The following STON1 variants were observed in gnomAD, a reference collection of about 807,000 sequenced individuals.
The protein encoded by STON1 is stonin-1.
Under a neutral mutation model 60.9 loss-of-function variants are expected in STON1, and 79 were observed. The observed-to-expected ratio is 1.30, with a 90% CI of 1.08 to 1.56. The LOEUF (loss-of-function observed/expected upper bound fraction) is 1.56, where lower values mean the gene tolerates loss of function less well. STON1 is among the 40% of genes most tolerant of loss of function. STON1 has a pLI of 0.00. For missense variants in STON1, 1,166 were observed against 858.9 expected, an observed-to-expected ratio of 1.36 and a Z score of -4.47; for synonymous variants, 363 against 306.9, an observed-to-expected ratio of 1.18 and a Z score of -1.91.
At chr2:48,563,454 G>A (rs1355697180) in intron 1 of STON1, among the ~76,000 whole-genome samples, 1 of 152,234 alleles carries the variant, frequency 6.6e-6, no homozygotes, top group Non-Finnish European at 1.5e-5. Context: ...AAAAGAATCT[G>A]TGGCTCTTAC....
At chr2:48,590,392 T>C (rs560027027) in intron 2 of STON1, among the ~76,000 whole-genome samples, 66 of 152,210 alleles carry the variant, frequency 4.3e-4, no homozygotes, top group Non-Finnish European at 8.4e-4. Context: ...AAGAATTAAG[T>C]GAAATCCTTT....
intron 1 of STON1, among the ~76,000 whole-genome samples, chr2:48,561,388 G>A (rs1019352518): frequency 1.3e-5 from 2 of 152,160 alleles, no homozygotes; most frequent in Non-Finnish European, 2.9e-5. Context: ...TCGGAAGTCA[G>A]TATACTATAG....
At chr2:48,583,174 C>T (rs1673999050) in intron 2 of STON1, among the ~76,000 whole-genome samples, 1 of 152,222 alleles carries the variant, frequency 6.6e-6, no homozygotes, top group African/African-American at 2.4e-5. Context: ...CTGCAGCCTC[C>T]ACTTCCCAGG....
At position 48,598,049 on chromosome 2, in the gene STON1, C is replaced by G. The variant is rs568803239; in HGVS notation, c.*2747C>G. The G allele has an allele frequency of 7.2e-5, 11 of 152,266 alleles. No homozygotes were observed. The South Asian group carries it at 1.7e-3, about 23-fold the overall frequency. 9.4% of individuals were successfully genotyped at this position (152,266 alleles called of 1,614,324 possible). On this transcript the variant is annotated 3_prime_UTR_variant, in exon 4 of 4. Transcript: ENST00000404752. ...TTTTGGAGTCAAATGAGCAGACTTC[C>G]AAGGAGTTGACCAGTTTGTGACTAG...
At chr2:48,553,067 C>CT (rs1187638215) in intron 1 of STON1, among the ~76,000 whole-genome samples, 7 of 152,096 alleles carry the variant, frequency 4.6e-5, no homozygotes, top group Admixed American at 4.6e-4. Flanking sequence ...ATCTCAGACT[C>CT]TGACAAGTCA....
intron 1 of STON1, among the ~76,000 whole-genome samples, chr2:48,553,389 C>T (rs1672182052): frequency 1.3e-5 from 2 of 151,182 alleles, no homozygotes; most frequent in African/African-American, 4.9e-5. Context: ...CCCTTCCCTT[C>T]CCATCCCGTC....
chr2:48,576,196 T>C (rs1172764916), intron 1 of STON1, among the ~76,000 whole-genome samples: 1 of 125,194 alleles, frequency 8.0e-6, no homozygotes, highest in Non-Finnish European at 1.7e-5. Flanking sequence ...TTTTTTTTTT[T>C]TTTTTTTTTT....
At chr2:48,563,925 C>T (rs1273627649) in intron 1 of STON1, among the ~76,000 whole-genome samples, 1 of 151,194 alleles carries the variant, frequency 6.6e-6, no homozygotes, top group Non-Finnish European at 1.5e-5. Flanking sequence ...GTCTTGAACT[C>T]CTGACTCAAG....
Position 48,597,332 on chromosome 2 carries a change from G to T in STON1, c.*2030G>T, listed in dbSNP as rs895552323. ...TGACTTCAGTCTGCTCAGAACGAAT[G>T]TGGAGGCCGGCCGAAACTGATGCTG... is the stretch of plus-strand genomic sequence containing the variant. On this transcript the variant is annotated 3_prime_UTR_variant, in exon 4 of 4. Coordinates refer to ENST00000404752, the MANE Select transcript of STON1 (RefSeq NM_006873.4). 6.6e-6 allele frequency: 1 copy of T among 152,170 alleles called. No individual in the cohort carries two copies. Among genetic ancestry groups the T allele is most frequent in the African/African-American group, 2.4e-5 (1 of 41,428 alleles). The allele number at this position is 152,170 out of a possible 1,614,324, so 9.4% of individuals were successfully genotyped here.
In STON1 at chr2:48,581,574, G is replaced by A; in HGVS notation, c.941G>A (p.Gly314Glu). The change falls in exon 2 of 4, where the codon GGA becomes GAA. Residue 314 changes from glycine to glutamate, a missense_variant. Coordinates refer to ENST00000404752, the MANE Select transcript of STON1 (RefSeq NM_006873.4). ...GGILQMYYEQ[G>E]LEKPFKEIQL... ...ATTTTGCAGATGTATTATGAACAGG[G>A]ATTAGAAAAACCATTTAAAGAGATA... 6.2e-7 allele frequency: 1 copy of A among 1,614,180 alleles called. No homozygotes were observed. Among genetic ancestry groups the A allele is most frequent in the South Asian group, 1.1e-5 (1 of 91,076 alleles).
intron 1 of STON1, among the ~76,000 whole-genome samples, chr2:48,578,581 C>CTTATTTTTTTTTTTTTTTTT (rs1673676864): frequency 2.2e-5 from 1 of 46,154 alleles, no homozygotes; most frequent in Non-Finnish European, 3.5e-5. Flanking sequence ...CTCCTCCTTC[C>CTTATTTTTTTTTTTTTTTTT]TTTTTTTTTT....
chr2:48,587,670 T>G (rs1674291622), intron 2 of STON1, among the ~76,000 whole-genome samples: 1 of 152,218 alleles, frequency 6.6e-6, no homozygotes. Context: ...TGGCTGGACC[T>G]GATCTTGGCC....
chr2:48,546,413 A>G (rs187337158), intron 1 of STON1, among the ~76,000 whole-genome samples: 36 of 152,296 alleles, frequency 2.4e-4, no homozygotes, highest in African/African-American at 7.7e-4. Flanking sequence ...GCCTGAGCAT[A>G]TCAGCCTTCA....
chr2:48,556,240 G>C (rs1417963674), intron 1 of STON1, among the ~76,000 whole-genome samples: 2 of 29,500 alleles, frequency 6.8e-5, no homozygotes, highest in Non-Finnish European at 1.5e-4. Context: ...CCTCCCTCCC[G>C]GACGGGGCGG....
chr2:48,580,795 T>C lies in STON1; in HGVS notation c.162T>C (p.Ser54=), dbSNP rs368657266. 10 of 1,556,724 alleles carry C rather than the reference T, an allele frequency of 6.4e-6. No homozygotes were observed. In the African/African-American group the frequency reaches 9.6e-5, roughly 15 times the overall value. Residue 54 remains serine, a synonymous_variant, in exon 2 of 4, where the codon TCT becomes TCC. Coordinates refer to ENST00000404752, the MANE Select transcript of STON1 (RefSeq NM_006873.4). ...LPGLREFPSG[S]SSTSSTPLSS... ...GCCTCAGGGAATTTCCCAGTGGATCTTCCTCCACCAGCAGCACTCCTCTCT... is the reference window on the plus strand; with the variant it reads ...GCCTCAGGGAATTTCCCAGTGGATCCTCCTCCACCAGCAGCACTCCTCTCT...
intron 2 of STON1, among the ~76,000 whole-genome samples, chr2:48,584,390 C>T (rs535027715): frequency 9.9e-5 from 15 of 152,242 alleles, no homozygotes; most frequent in Non-Finnish European, 2.2e-4. Context: ...GCCTCAGCCT[C>T]CCGAGTAGCT....
chr2:48,564,466 T>TC (rs1558604466), intron 1 of STON1, among the ~76,000 whole-genome samples: 11 of 56,684 alleles, frequency 1.9e-4, no homozygotes, highest in African/African-American at 7.4e-4. Flanking sequence ...TTCTTCTTCT[T>TC]CTTCTTCTTC....
Position 48,581,007 on chromosome 2 carries a change from C to G in STON1, c.374C>G (p.Pro125Arg). Residue 125 changes from proline to arginine, a missense_variant, in exon 2 of 4, where the codon CCT (proline) becomes CGT (arginine). Coordinates refer to ENST00000404752, the MANE Select transcript of STON1 (RefSeq NM_006873.4). ...TCAGGAGGAGAATCTTCCTTACTGCCTACCAGACCAACATGTTTATCCCAT... is the reference window on the plus strand; with the variant it reads ...TCAGGAGGAGAATCTTCCTTACTGCGTACCAGACCAACATGTTTATCCCAT... ...AISGGESSLL[P>R]TRPTCLSHAL... 2 of 1,572,384 alleles carry G rather than the reference C, an allele frequency of 1.3e-6. No homozygotes were observed. Among genetic ancestry groups the G allele is most frequent in the Non-Finnish European group, 1.7e-6 (2 of 1,162,656 alleles).
At chr2:48,572,413 G>C (rs989400319) in intron 1 of STON1, among the ~76,000 whole-genome samples, 1 of 152,192 alleles carries the variant, frequency 6.6e-6, no homozygotes, top group Non-Finnish European at 1.5e-5. Flanking sequence ...GGGGGTGAAA[G>C]GTGGACAGTG....
Sources: allele counts gnomAD v4.1 joint callset (sites outside exome capture counted in the v4.1 genomes callset), GRCh38; gene constraint gnomAD v4.1.1; transcripts MANE v1.5; gene names NCBI Gene and HGNC (gene_info 2026-07-23, HGNC 2026-07-21).